The following TENM3 variants were observed in gnomAD, a reference collection of about 807,000 sequenced individuals.
TENM3 encodes the protein teneurin transmembrane protein 3, also known as teneurin-3.
TENM3 carries 63 observed loss-of-function variants against 255.1 expected under a neutral mutation model. The observed-to-expected ratio is 0.25, with a 90% CI of 0.20 to 0.30. TENM3 has a LOEUF of 0.30. TENM3 is among the 10% of genes least tolerant of loss of function. TENM3 has a pLI of 1.00. For missense variants in TENM3, 2,929 were observed against 3,461.1 expected, an observed-to-expected ratio of 0.85 and a Z score of 3.86; for synonymous variants, 1,306 against 1,322.3, an observed-to-expected ratio of 0.99 and a Z score of 0.27.
chr4:182,479,828 A>G (rs2151504875), intron 3 of TENM3, among the ~76,000 whole-genome samples: 1 of 152,116 alleles, frequency 6.6e-6, no homozygotes, highest in East Asian at 1.9e-4. Flanking sequence ...AAAACCCAAT[A>G]TATATTGATT....
chr4:181,612,489 G>GGT, the TENM3 span, among the ~76,000 whole-genome samples: 4 of 95,096 alleles, frequency 4.2e-5, no homozygotes, highest in Non-Finnish European at 6.7e-5. Context: ...CTTTGGTTAA[G>GGT]ATGTGTGTGT....
chr4:181,605,692 G>C, the TENM3 span, among the ~76,000 whole-genome samples: 2 of 152,224 alleles, frequency 1.3e-5, no homozygotes, highest in East Asian at 3.9e-4. Flanking sequence ...ATAAGAGAAA[G>C]CATATAATGC....
Position 182,704,759 on chromosome 4 carries a change from T to C in TENM3, c.2222-9328T>C, listed in dbSNP as rs145153529. ...TATTTGAAGCAAATTTTTGAAAAAGTATTGCCAATTGTAGGGGAGCAGATC... is the reference window on the plus strand; with the variant it reads ...TATTTGAAGCAAATTTTTGAAAAAGCATTGCCAATTGTAGGGGAGCAGATC... On this transcript the variant is annotated intron_variant, in intron 12 of 27. Transcript: ENST00000511685. Among the ~76,000 whole-genome samples the C allele has an allele frequency of 1.0e-3, 155 of 151,336 alleles. 2 individuals carry two copies. In the East Asian group the frequency reaches 0.02, roughly 20 times the overall value.
At chr4:182,408,848 GC>G (rs1266310470) in intron 3 of TENM3, among the ~76,000 whole-genome samples, 1 of 152,226 alleles carries the variant, frequency 6.6e-6, no homozygotes, top group Non-Finnish European at 1.5e-5. Flanking sequence ...CACATGGGAT[GC>G]CCCTTGGGGC....
the TENM3 span, among the ~76,000 whole-genome samples, chr4:181,915,292 T>C: frequency 6.6e-6 from 1 of 152,210 alleles, no homozygotes; most frequent in Non-Finnish European, 1.5e-5. Flanking sequence ...TGCAATAATC[T>C]TCTGAATGTT....
the TENM3 span, among the ~76,000 whole-genome samples, chr4:181,549,294 G>A: frequency 6.6e-6 from 1 of 152,226 alleles, no homozygotes; most frequent in South Asian, 2.1e-4. Context: ...GGGACTGCTG[G>A]CAATCGCCAG....
rs111692772 is a variant in TENM3, at chr4:182,778,072, A to AT, written c.5304+2926dup. The stretch of plus-strand genomic sequence containing the variant: ...TTCTGTACTTACTTGTTTGCAGCTC[A>AT]TTTTTTTAAAAAGACACATAGATAG... On this transcript the variant is annotated intron_variant, in intron 24 of 27. Coordinates refer to ENST00000511685, the MANE Select transcript of TENM3 (RefSeq NM_001080477.4). 5.4e-3 allele frequency among the ~76,000 whole-genome samples: 826 copies of AT among 152,124 alleles called. 5 individuals carry two copies. Among genetic ancestry groups the AT allele is most frequent in the African/African-American group, 0.019 (770 of 41,456 alleles).
At chr4:182,370,786 G>T (rs1766751931) in intron 3 of TENM3, among the ~76,000 whole-genome samples, 1 of 152,298 alleles carries the variant, frequency 6.6e-6, no homozygotes, top group South Asian at 2.1e-4. Flanking sequence ...TTCTAGAAGT[G>T]ATCTCTGCAA....
At chr4:182,756,154 A>G (rs143569363) in intron 22 of TENM3, among the ~76,000 whole-genome samples, 23 of 152,368 alleles carry the variant, frequency 1.5e-4, no homozygotes, top group Admixed American at 5.9e-4. Context: ...AAACATTTAC[A>G]GTGAACTTTG....
chr4:182,678,372 C>T lies in TENM3; in HGVS notation c.1327-1294C>T, dbSNP rs780051534. 5.3e-5 allele frequency among the ~76,000 whole-genome samples: 8 copies of T among 152,168 alleles called. No homozygotes were observed. The East Asian group carries it at 7.7e-4, about 15-fold the overall frequency. ...ACCCATTCATAAGAATAATCAGGCA[C>T]GTTTACTGTTACTGCCATCCTTTCA... On this transcript the variant is annotated intron_variant, in intron 7 of 27. Coordinates refer to ENST00000511685, the MANE Select transcript of TENM3 (RefSeq NM_001080477.4).
At chr4:182,788,230 T>C (rs1765830605) in intron 24 of TENM3, among the ~76,000 whole-genome samples, 1 of 152,216 alleles carries the variant, frequency 6.6e-6, no homozygotes, top group South Asian at 2.1e-4. Context: ...AGAGAATGAA[T>C]AGGCCATGGT....
the TENM3 span, among the ~76,000 whole-genome samples, chr4:181,713,824 A>T: frequency 6.6e-6 from 1 of 152,186 alleles, no homozygotes; most frequent in Non-Finnish European, 1.5e-5. Flanking sequence ...TTTTTGTATT[A>T]TCCTATCATA....
chr4:181,741,848 A>G, the TENM3 span, among the ~76,000 whole-genome samples: 2 of 152,180 alleles, frequency 1.3e-5, no homozygotes, highest in Non-Finnish European at 2.9e-5. Context: ...CCATTGCTAC[A>G]TTACATCACA....
intron 3 of TENM3, among the ~76,000 whole-genome samples, chr4:182,567,947 C>T (rs1406387405): frequency 6.6e-6 from 1 of 151,386 alleles, no homozygotes; most frequent in Non-Finnish European, 1.5e-5. Flanking sequence ...AAAAGTATTT[C>T]TTCATAGAAT....
At chr4:182,766,925 C>G (rs972230125) in intron 22 of TENM3, among the ~76,000 whole-genome samples, 1 of 152,088 alleles carries the variant, frequency 6.6e-6, no homozygotes, top group Non-Finnish European at 1.5e-5. Flanking sequence ...CATCAGGATC[C>G]CCTTAGCACC....
At chr4:181,870,016 T>G in the TENM3 span, among the ~76,000 whole-genome samples, 1 of 152,090 alleles carries the variant, frequency 6.6e-6, no homozygotes. Context: ...ACAAGCACCG[T>G]TCTGTCTACC....
chr4:182,011,480 C>A, the TENM3 span, among the ~76,000 whole-genome samples: 4 of 152,174 alleles, frequency 2.6e-5, no homozygotes, highest in Non-Finnish European at 5.9e-5. Context: ...TGCTTCACTC[C>A]AGTCCATCAT....
intron 3 of TENM3, among the ~76,000 whole-genome samples, chr4:182,567,998 A>G (rs1215197351): frequency 6.6e-6 from 1 of 152,234 alleles, no homozygotes; most frequent in Non-Finnish European, 1.5e-5. Context: ...GTTGGTGTTA[A>G]GGGGAAGATA....
chr4:182,688,414 T>G, intron 12 of TENM3, 63 bp downstream of exon 12: 383 of 1,302,638 alleles, frequency 2.9e-4, no homozygotes, highest in Non-Finnish European at 3.6e-4. Context: ...GACGGTCAGC[T>G]GTTTTCAACT....
Sources: gnomAD v4.1 joint callset for allele counts (sites outside exome capture counted in the v4.1 genomes callset) on GRCh38, gnomAD v4.1.1 for gene constraint, MANE v1.5 for transcripts, NCBI Gene and HGNC (gene_info 2026-07-23, HGNC 2026-07-21) for gene names.